The following SLC8A1 variants were observed in gnomAD, a reference collection of about 807,000 sequenced individuals.
The protein encoded by SLC8A1 is sodium/calcium exchanger 1.
Under a neutral mutation model 68.3 loss-of-function variants are expected in SLC8A1, and 18 were observed. The ratio of observed to expected loss-of-function variants is 0.26; its 90% CI spans 0.18 to 0.39. The LOEUF (loss-of-function observed/expected upper bound fraction) is 0.39, where lower values mean the gene tolerates loss of function less well. Ranked by LOEUF, SLC8A1 falls within the 10% of genes least tolerant of loss-of-function variation. The pLI, the probability that SLC8A1 is intolerant of heterozygous loss-of-function variation, is 1.00. For synonymous variants in SLC8A1, 475 were observed against 415.5 expected (o/e 1.14, Z -1.74); for missense variants, 985 against 1,156.7 (o/e 0.85, Z 2.15).
chr2:40,402,411 G>A (rs1489732668), intron 2 of SLC8A1, among the ~76,000 whole-genome samples: 1 of 152,170 alleles, frequency 6.6e-6, no homozygotes, highest in Admixed American at 6.5e-5. Context: ...AATCAGTTGA[G>A]CAGCCCATGC....
intron 6 of SLC8A1, among the ~76,000 whole-genome samples, chr2:40,154,549 G>A (rs1041397329): frequency 2.1e-5 from 3 of 143,292 alleles, no homozygotes; most frequent in Admixed American, 7.3e-5. Context: ...GGATGGTCTC[G>A]ATCTTCTGAC....
chr2:40,308,829 T>G (rs1441124928), intron 2 of SLC8A1, among the ~76,000 whole-genome samples: 1 of 152,152 alleles, frequency 6.6e-6, no homozygotes, highest in Non-Finnish European at 1.5e-5. Flanking sequence ...CCCATCTCTT[T>G]GTAGAAGCAT....
intron 2 of SLC8A1, among the ~76,000 whole-genome samples, chr2:40,264,149 G>C (rs1409204398): frequency 1.3e-5 from 2 of 151,778 alleles, no homozygotes; most frequent in South Asian, 4.2e-4. Flanking sequence ...ACCACAATGA[G>C]ATACCATCTC....
At chr2:40,320,035 A>G (rs568517254) in intron 2 of SLC8A1, among the ~76,000 whole-genome samples, 23 of 152,114 alleles carry the variant, frequency 1.5e-4, no homozygotes, top group Admixed American at 2.0e-4. Context: ...TCAAATGCCA[A>G]GGGCACAACA....
intron 2 of SLC8A1, among the ~76,000 whole-genome samples, chr2:40,334,134 A>G (rs938015657): frequency 2.6e-5 from 4 of 152,210 alleles, no homozygotes; most frequent in African/African-American, 7.2e-5. Context: ...CTATAGAAAC[A>G]TAAGTGTTAG....
intron 2 of SLC8A1, among the ~76,000 whole-genome samples, chr2:40,379,686 C>A (rs1366731915): frequency 6.6e-6 from 1 of 151,656 alleles, no homozygotes; most frequent in Admixed American, 6.6e-5. Context: ...TTTACCGCAT[C>A]ACCATCACCT....
At chr2:40,511,227 T>C (rs1706705468) in intron 1 of SLC8A1, among the ~76,000 whole-genome samples, 1 of 152,218 alleles carries the variant, frequency 6.6e-6, no homozygotes, top group East Asian at 1.9e-4. Context: ...ATTTGAATTA[T>C]GGACACATTA....
At chr2:40,252,940 T>C (rs2063078240) in intron 2 of SLC8A1, among the ~76,000 whole-genome samples, 1 of 103,336 alleles carries the variant, frequency 9.7e-6, no homozygotes. Context: ...TATATGTATG[T>C]ACATATATAC....
At chr2:40,296,222 C>T (rs1032486133) in intron 2 of SLC8A1, among the ~76,000 whole-genome samples, 2 of 152,116 alleles carry the variant, frequency 1.3e-5, no homozygotes, top group African/African-American at 2.4e-5. Context: ...AGAAAAAATA[C>T]ATGCTAGAAA....
chr2:40,506,241 C>G (rs1394707593), intron 1 of SLC8A1, among the ~76,000 whole-genome samples: 1 of 151,688 alleles, frequency 6.6e-6, no homozygotes, highest in African/African-American at 2.4e-5. Flanking sequence ...CTGTTTCTCA[C>G]CTGTTTAATG....
intron 1 of SLC8A1, among the ~76,000 whole-genome samples, chr2:40,457,145 A>G (rs1703069833): frequency 6.6e-6 from 1 of 152,204 alleles, no homozygotes; most frequent in Non-Finnish European, 1.5e-5. Context: ...TTGTCACATT[A>G]CATTAATTTT....
chr2:40,459,350 A>G (rs1055134556), intron 1 of SLC8A1, among the ~76,000 whole-genome samples: 1 of 149,270 alleles, frequency 6.7e-6, no homozygotes, highest in Non-Finnish European at 1.5e-5. Context: ...AAACAGATAA[A>G]ATGATATAGG....
intron 2 of SLC8A1, among the ~76,000 whole-genome samples, chr2:40,331,538 C>T (rs540866537): frequency 2.6e-5 from 4 of 152,102 alleles, no homozygotes; most frequent in East Asian, 1.9e-4. Context: ...GAGTTTTGTA[C>T]TAAAACTCAT....
chr2:40,241,725 A>C (rs1574570080), intron 2 of SLC8A1, among the ~76,000 whole-genome samples: 1 of 152,224 alleles, frequency 6.6e-6, no homozygotes, highest in South Asian at 2.1e-4. Flanking sequence ...CCCATACTGA[A>C]TCCTCTACTT....
intron 2 of SLC8A1, among the ~76,000 whole-genome samples, chr2:40,316,601 T>A (rs72943127): frequency 0.013 from 1,911 of 152,172 alleles, 37 homozygotes; most frequent in African/African-American, 0.044. Flanking sequence ...AACACAATAA[T>A]GTATTAGGTC....
At chr2:40,460,373 G>A (rs1427917764) in intron 1 of SLC8A1, among the ~76,000 whole-genome samples, 1 of 152,146 alleles carries the variant, frequency 6.6e-6, no homozygotes, top group Admixed American at 6.5e-5. Flanking sequence ...CAATTTAATG[G>A]AACATGCTAC....
intron 2 of SLC8A1, among the ~76,000 whole-genome samples, chr2:40,401,096 T>A (rs576473382): frequency 6.6e-6 from 1 of 152,318 alleles, no homozygotes; most frequent in South Asian, 2.1e-4. Context: ...ATTTTCCAGT[T>A]GCAGAAATCA....
At chr2:40,286,721 C>A (rs1032291530) in intron 2 of SLC8A1, among the ~76,000 whole-genome samples, 2 of 152,168 alleles carry the variant, frequency 1.3e-5, no homozygotes, top group Non-Finnish European at 2.9e-5. Context: ...TCTTCACAAC[C>A]ATTCTGAAAG....
intron 2 of SLC8A1, among the ~76,000 whole-genome samples, chr2:40,253,735 G>A (rs533703630): frequency 2.0e-5 from 3 of 150,352 alleles, no homozygotes; most frequent in Non-Finnish European, 4.4e-5. Context: ...GCTGAGGCAG[G>A]AGAATCACTT....
Sources: gnomAD v4.1 joint callset for allele counts (sites outside exome capture counted in the v4.1 genomes callset) on GRCh38, gnomAD v4.1.1 for gene constraint, MANE v1.5 for transcripts, NCBI Gene and HGNC (gene_info 2026-07-23, HGNC 2026-07-21) for gene names.